The following CHAT variants were observed in gnomAD, a reference collection of about 807,000 sequenced individuals.
CHAT encodes the protein choline O-acetyltransferase.
In CHAT, 61 loss-of-function variants were observed where a neutral mutation model predicts 76.9. That is an observed-to-expected ratio of 0.79 (90% CI 0.65 to 0.98). The LOEUF (loss-of-function observed/expected upper bound fraction) is 0.98. Ranked by LOEUF, CHAT falls within the 50% of genes least tolerant of loss-of-function variation. The probability of loss-of-function intolerance (pLI) is 0.00; values close to 1 mark genes in which losing one functional copy is unlikely to be tolerated. For missense variants in CHAT, 946 were observed against 986.9 expected, an observed-to-expected ratio of 0.96 and a Z score of 0.56; for synonymous variants, 407 against 397.4, an observed-to-expected ratio of 1.02 and a Z score of -0.29.
At position 49,616,145 on chromosome 10, in the gene CHAT, A is replaced by G. The variant is rs554426242; in HGVS notation, c.287-357A>G. On this transcript the variant is annotated intron_variant, in intron 1 of 14. Coordinates refer to ENST00000337653, the MANE Select transcript of CHAT (RefSeq NM_020549.5). ...GGGAAAGAGAGAGTTTGATTGGCAAAGCACTTATCTATTGGGTTCCAGGCA... is the reference window on the plus strand; with the variant it reads ...GGGAAAGAGAGAGTTTGATTGGCAAGGCACTTATCTATTGGGTTCCAGGCA... 231 of 1,517,388 alleles carry G rather than the reference A, an allele frequency of 1.5e-4. 4 individuals are homozygous for G. The South Asian group carries it at 2.5e-3, about 16-fold the overall frequency. 94.0% of individuals were successfully genotyped at this position (1,517,388 alleles called of 1,614,324 possible).
intron 14 of CHAT, 90 bp from the exon 15 acceptor site, chr10:49,664,687 C>T: frequency 6.0e-6 from 9 of 1,504,232 alleles, no homozygotes; most frequent in Non-Finnish European, 8.3e-6. Flanking sequence ...TCAGTCAAAC[C>T]CCCAGGTGGA....
At chr10:49,627,807 A>G (rs767859683) in intron 7 of CHAT, 22 bp downstream of exon 7, 2 of 1,610,560 alleles carry the variant, frequency 1.2e-6, no homozygotes, top group South Asian at 1.1e-5. Flanking sequence ...TGCCCAGCAC[A>G]TCTCCATGCC....
chr10:49,621,111 C>A (rs1424505082), intron 4 of CHAT, among the ~76,000 whole-genome samples: 1 of 152,248 alleles, frequency 6.6e-6, no homozygotes, highest in Non-Finnish European at 1.5e-5. Flanking sequence ...GTTGGAAGGG[C>A]CTCTGGCCGC....
intron 7 of CHAT, among the ~76,000 whole-genome samples, chr10:49,643,035 C>A (rs188438668): frequency 6.6e-6 from 1 of 152,338 alleles, no homozygotes; most frequent in African/African-American, 2.4e-5. Flanking sequence ...ACCCAGCTCC[C>A]TCCACTTAGT....
intron 5 of CHAT, 110 bp from the exon 6 acceptor site, chr10:49,625,363 G>A (rs1271071054): frequency 1.7e-5 from 17 of 987,354 alleles, no homozygotes; most frequent in Middle Eastern, 3.0e-4. Context: ...GCAGTTCTGG[G>A]TTCTGTGCCC....
chr10:49,620,690 A>G, intron 4 of CHAT, 77 bp downstream of exon 4: 1 of 1,172,188 alleles, frequency 8.5e-7, no homozygotes, highest in Non-Finnish European at 1.3e-6. Flanking sequence ...GCCAGCAAAG[A>G]AAGGCCAAAG....
At chr10:49,638,622 G>A (rs912723484) in intron 7 of CHAT, among the ~76,000 whole-genome samples, 2 of 151,882 alleles carry the variant, frequency 1.3e-5, no homozygotes, top group African/African-American at 2.4e-5. Flanking sequence ...AGTTTCTGTA[G>A]GTATTACCTT....
chr10:49,610,641 G>C (rs2132685021), upstream of CHAT: 3 of 1,268,368 alleles, frequency 2.4e-6, no homozygotes, highest in East Asian at 8.3e-5. Context: ...TGCTCGGCCA[G>C]GACAGCCTCC....
At position 49,667,540 on chromosome 10, in the gene CHAT, A is replaced by G. The variant is rs1840363831; in HGVS notation, c.*2494A>G. Among the ~76,000 whole-genome samples the G allele has an allele frequency of 6.6e-6, 1 of 152,216 alleles. No individual in the cohort carries two copies. Among genetic ancestry groups the G allele is most frequent in the Non-Finnish European group, 1.5e-5 (1 of 68,028 alleles). On this transcript the variant is annotated 3_prime_UTR_variant, in exon 15 of 15. Transcript: ENST00000337653. ...GGCTGGAAGCTGGTCTTCCCCCTCCAAGAATACACGGGTGCACTGAGTCTT... is the reference window on the plus strand; with the variant it reads ...GGCTGGAAGCTGGTCTTCCCCCTCCGAGAATACACGGGTGCACTGAGTCTT...
At chr10:49,648,424 G>A in intron 8 of CHAT, 83 bp from the exon 9 acceptor site, 1 of 988,310 alleles carries the variant, frequency 1.0e-6, no homozygotes, top group Non-Finnish European at 1.6e-6. Flanking sequence ...GCCCTGAGAA[G>A]CCAGGGGCCT....
intron 7 of CHAT, among the ~76,000 whole-genome samples, chr10:49,628,215 G>A (rs1590577999): frequency 6.6e-6 from 1 of 151,972 alleles, no homozygotes; most frequent in South Asian, 2.1e-4. Context: ...CTCCATCCTG[G>A]GACTCTTCAT....
rs550234131 is a variant in CHAT at position 49,622,387 on chromosome 10, T to C, written c.752+237T>C. On this transcript the variant is annotated intron_variant, in intron 5 of 14. Transcript: ENST00000337653. ...CCATCCTTCCTTGATCTTTTAAAAATGTCTCCTCCCTCCACACATACGTGC... is the reference window on the plus strand; with the variant it reads ...CCATCCTTCCTTGATCTTTTAAAAACGTCTCCTCCCTCCACACATACGTGC... 3.9e-5 allele frequency among the ~76,000 whole-genome samples: 6 copies of C among 152,296 alleles called. No homozygotes were observed. In the South Asian group the frequency reaches 8.3e-4, roughly 21 times the overall value.
intron 6 of CHAT, among the ~76,000 whole-genome samples, chr10:49,626,092 C>A (rs1273393498): frequency 2.0e-5 from 3 of 152,210 alleles, no homozygotes; most frequent in Non-Finnish European, 4.4e-5. Context: ...AGTGACCATG[C>A]AGAGGGGGCC....
chr10:49,656,984 T>G (rs1840054995), intron 13 of CHAT, among the ~76,000 whole-genome samples: 1 of 151,994 alleles, frequency 6.6e-6, no homozygotes, highest in African/African-American at 2.4e-5. Flanking sequence ...CAAGGGATTT[T>G]TGAAAGCCGT....
intron 7 of CHAT, among the ~76,000 whole-genome samples, chr10:49,641,559 A>G (rs60806913): frequency 2.0e-5 from 3 of 152,326 alleles, no homozygotes; most frequent in African/African-American, 7.2e-5. Context: ...CTGAGGACTG[A>G]CAGCATAAAG....
chr10:49,654,927 G>A (rs971514973), intron 11 of CHAT, among the ~76,000 whole-genome samples, 168 bp from the exon 12 acceptor site: 2 of 152,074 alleles, frequency 1.3e-5, no homozygotes, highest in Non-Finnish European at 2.9e-5. Flanking sequence ...ACTCCCCAGC[G>A]TCATCTTTGG....
At chr10:49,625,299 G>T (rs1223953499) in intron 5 of CHAT, among the ~76,000 whole-genome samples, 174 bp from the exon 6 acceptor site, 2 of 152,158 alleles carry the variant, frequency 1.3e-5, no homozygotes, top group Non-Finnish European at 2.9e-5. Flanking sequence ...GTGGAAATGG[G>T]GCCTCCACTA....
At chr10:49,623,617 CT>C (rs1019331879) in intron 5 of CHAT, among the ~76,000 whole-genome samples, 7 of 152,298 alleles carry the variant, frequency 4.6e-5, no homozygotes, top group Admixed American at 1.3e-4. Context: ...TCATCCAAGC[CT>C]CAGCCATCCC....
upstream of CHAT, chr10:49,610,446 C>A: frequency 5.7e-6 from 2 of 352,824 alleles, no homozygotes; most frequent in Non-Finnish European, 1.0e-5. Context: ...GCGCCCCGGG[C>A]GAAGTGCGCC....
Sources: allele counts gnomAD v4.1 joint callset (sites outside exome capture counted in the v4.1 genomes callset), GRCh38; gene constraint gnomAD v4.1.1; transcripts MANE v1.5; gene names NCBI Gene and HGNC (gene_info 2026-07-23, HGNC 2026-07-21).